TTC28: variants seen among roughly 807,000 people sequenced by gnomAD.
TTC28 encodes tetratricopeptide repeat domain 28, also known as tetratricopeptide repeat protein 28.
TTC28 carries 61 observed loss-of-function variants against 198.0 expected under a neutral mutation model. The observed-to-expected ratio is 0.31, with a 90% CI of 0.25 to 0.38. The LOEUF (loss-of-function observed/expected upper bound fraction) is 0.38, where lower values mean the gene tolerates loss of function less well. TTC28 is among the 10% of genes least tolerant of loss of function. TTC28 has a pLI of 1.00. For synonymous variants in TTC28, 1,171 were observed against 1,297.8 expected, an observed-to-expected ratio of 0.90 and a Z score of 2.10; for missense variants, 2,678 against 3,164.0, an observed-to-expected ratio of 0.85 and a Z score of 3.69.
intron 12 of TTC28, among the ~76,000 whole-genome samples, chr22:28,055,378 T>C (rs1328162790): frequency 6.6e-6 from 1 of 152,096 alleles, no homozygotes; most frequent in Non-Finnish European, 1.5e-5. Flanking sequence ...GCTCTATGTA[T>C]GAGACAAAAT....
At chr22:28,210,667 T>C (rs1001161544) in intron 5 of TTC28, among the ~76,000 whole-genome samples, 1 of 152,146 alleles carries the variant, frequency 6.6e-6, no homozygotes, top group African/African-American at 2.4e-5. Flanking sequence ...GTCTGATTGG[T>C]GTACCTGAAA....
chr22:27,999,569 C>A, intron 15 of TTC28: 1 of 340,912 alleles, frequency 2.9e-6, no homozygotes, highest in Non-Finnish European at 5.4e-6. Context: ...CCCAGGACAG[C>A]CAGCCTGCTC....
At chr22:28,561,872 T>C (rs955448192) in intron 2 of TTC28, among the ~76,000 whole-genome samples, 1 of 152,224 alleles carries the variant, frequency 6.6e-6, no homozygotes, top group Non-Finnish European at 1.5e-5. Context: ...TATTTTCTTA[T>C]AGTAGTTTGT....
chr22:28,279,703 G>A (rs1466940838), intron 5 of TTC28, among the ~76,000 whole-genome samples: 1 of 152,030 alleles, frequency 6.6e-6, no homozygotes, highest in Non-Finnish European at 1.5e-5. Context: ...CATACACCTA[G>A]GTAACCCAAA....
intron 5 of TTC28, among the ~76,000 whole-genome samples, chr22:28,290,523 T>C (rs1025207704): frequency 5.3e-5 from 8 of 152,074 alleles, no homozygotes; most frequent in Non-Finnish European, 1.2e-4. Context: ...AACAAAAAAA[T>C]ATGCACTAAT....
At chr22:28,236,604 G>A (rs994912863) in intron 5 of TTC28, among the ~76,000 whole-genome samples, 4 of 152,206 alleles carry the variant, frequency 2.6e-5, no homozygotes, top group African/African-American at 9.7e-5. Flanking sequence ...AGCTTCGGGT[G>A]ACCAAGACGC....
chr22:28,269,310 G>A (rs1432060398), intron 5 of TTC28, among the ~76,000 whole-genome samples: 2 of 151,800 alleles, frequency 1.3e-5, no homozygotes, highest in Admixed American at 6.6e-5. Context: ...AGGGTCCCTC[G>A]GGAAGTGTGC....
rs1439463051 is a variant in TTC28, at chr22:28,663,569, G to A, written c.102+16053C>T. Among the ~76,000 whole-genome samples, 7 of 124,480 alleles carry A rather than the reference G, an allele frequency of 5.6e-5. No individual in the cohort carries two copies. In the East Asian group the frequency reaches 1.6e-3, roughly 29 times the overall value. 81.7% of individuals were successfully genotyped at this position (124,480 alleles called of 152,430 possible). On this transcript the variant is annotated intron_variant, in intron 1 of 22. Coordinates refer to ENST00000397906, the MANE Select transcript of TTC28 (RefSeq NM_001145418.2). ...CTGGAAAATCGGGTCACTCCCACCC[G>A]AATATTGCGCTTTTCAGACCGGCTT...
intron 12 of TTC28, among the ~76,000 whole-genome samples, chr22:28,066,440 T>C (rs183646096): frequency 3.1e-4 from 47 of 152,256 alleles, no homozygotes; most frequent in Middle Eastern, 3.4e-3. Context: ...GACTCACTCA[T>C]CCTACATAAC....
intron 2 of TTC28, among the ~76,000 whole-genome samples, chr22:28,424,254 A>G (rs1006095826): frequency 6.6e-6 from 1 of 152,162 alleles, no homozygotes; most frequent in Non-Finnish European, 1.5e-5. Context: ...TAAATAAATA[A>G]ATGTGTTCTA....
rs559522019 is a variant in TTC28 at position 27,998,560 on chromosome 22, G to A, written c.5099C>T (p.Ser1700Leu). Reference sequence around the variant, plus strand: ...CCCACCTGCCCAGTTGGAGGGGTGCGAGAAGGCCTTGCTGCTCTGCACCAC... The same window carrying A: ...CCCACCTGCCCAGTTGGAGGGGTGCAAGAAGGCCTTGCTGCTCTGCACCAC... The part of the protein sequence containing the change: ...MKVVQSSKAF[S>L]HPSNWAGFML... Residue 1700 changes from serine (S) to leucine (L), a missense_variant, in exon 16 of 23, where the codon TCG (serine) becomes TTG (leucine). By Grantham distance (145) the Ser-to-Leu change is moderately radical. Around this residue, in one of 8 missense-constraint regions of TTC28, gnomAD observed 314 missense variants for 442.7 expected, o/e 0.71. Coordinates refer to ENST00000397906, the MANE Select transcript of TTC28 (RefSeq NM_001145418.2). 7 of 1,550,270 alleles carry A rather than the reference G, an allele frequency of 4.5e-6. No individual in the cohort carries two copies. Among genetic ancestry groups the A allele is most frequent in the South Asian group, 2.4e-5 (2 of 84,032 alleles).
At chr22:28,027,120 A>G (rs972064376) in intron 13 of TTC28, among the ~76,000 whole-genome samples, 2 of 152,148 alleles carry the variant, frequency 1.3e-5, no homozygotes, top group African/African-American at 4.8e-5. Flanking sequence ...ACACACACAA[A>G]TACAACCCTG....
At chr22:28,361,735 T>C (rs1232600377) in intron 2 of TTC28, among the ~76,000 whole-genome samples, 2 of 152,234 alleles carry the variant, frequency 1.3e-5, no homozygotes, top group African/African-American at 4.8e-5. Context: ...GAGAAGTCAA[T>C]GCCTGGCTTC....
chr22:28,430,116 T>C (rs1345091821), intron 2 of TTC28, among the ~76,000 whole-genome samples: 1 of 151,240 alleles, frequency 6.6e-6, no homozygotes, highest in East Asian at 1.9e-4. Context: ...AGGGGTAATT[T>C]CAGATGTAGT....
chr22:28,190,753 C>T (rs1468224911), intron 5 of TTC28, among the ~76,000 whole-genome samples: 4 of 152,194 alleles, frequency 2.6e-5, no homozygotes, highest in Non-Finnish European at 5.9e-5. Flanking sequence ...AAGTTCCCCA[C>T]GGACCCCATC....
intron 2 of TTC28, among the ~76,000 whole-genome samples, chr22:28,534,752 G>A (rs1569006267): frequency 1.3e-5 from 2 of 152,202 alleles, no homozygotes; most frequent in Non-Finnish European, 2.9e-5. Context: ...ATGAGTTCAT[G>A]TCCTTTGTAG....
chr22:28,196,872 A>G (rs1925404715), intron 5 of TTC28, among the ~76,000 whole-genome samples: 1 of 152,186 alleles, frequency 6.6e-6, no homozygotes, highest in African/African-American at 2.4e-5. Context: ...GTGATTCCTC[A>G]GGGATCTAGA....
intron 5 of TTC28, among the ~76,000 whole-genome samples, chr22:28,206,937 G>A (rs1238991154): frequency 6.6e-6 from 1 of 152,218 alleles, no homozygotes. Context: ...GTAGGAGGTG[G>A]CAAAGACAGT....
chr22:28,419,299 C>G (rs917559057), intron 2 of TTC28, among the ~76,000 whole-genome samples: 1 of 152,154 alleles, frequency 6.6e-6, no homozygotes, highest in Non-Finnish European at 1.5e-5. Context: ...ATTCCTCAAG[C>G]AGGAATTGTT....
Sources: allele counts gnomAD v4.1 joint callset (sites outside exome capture counted in the v4.1 genomes callset), GRCh38; gene constraint gnomAD v4.1.1; regional missense constraint gnomAD v4.1.1; transcripts MANE v1.5; gene names NCBI Gene and HGNC (gene_info 2026-07-23, HGNC 2026-07-21).